ZNF564: variants seen among roughly 807,000 people sequenced by gnomAD.
ZNF564 encodes zinc finger protein 564.
ZNF564 carries 5 observed loss-of-function variants against 10.5 expected under a neutral mutation model. The ratio of observed to expected loss-of-function variants is 0.48; its 90% CI spans 0.25 to 1.00. The LOEUF (loss-of-function observed/expected upper bound fraction) is 1.00. Among genes scored for constraint, ZNF564 ranks in the 50% least tolerant of loss-of-function variants. The probability of loss-of-function intolerance (pLI) is 0.16; values close to 1 mark genes in which losing one functional copy is unlikely to be tolerated. For missense variants in ZNF564, 603 were observed against 669.7 expected, an observed-to-expected ratio of 0.90 and a Z score of 1.10; for synonymous variants, 242 against 218.1, an observed-to-expected ratio of 1.11 and a Z score of -0.97.
intron 1 of ZNF564, 121 bp downstream of exon 1, chr19:12,551,209 G>A: frequency 8.5e-7 from 1 of 1,180,988 alleles, no homozygotes; most frequent in South Asian, 1.3e-5. Flanking sequence ...GCTGCGCCAG[G>A]GAACTCGGGT....
intron 1 of ZNF564, among the ~76,000 whole-genome samples, chr19:12,545,786 C>T (rs555706138): frequency 1.2e-4 from 19 of 152,156 alleles, no homozygotes; most frequent in Non-Finnish European, 2.4e-4. Flanking sequence ...CCTCCCAGCA[C>T]ATCAATGTCC....
At chr19:12,529,984 C>CA (rs553631056) in intron 1 of ZNF564, 4,229 of 51,572 alleles carry the variant, frequency 0.082, 199 homozygotes, top group African/African-American at 0.2. Flanking sequence ...AACTCTGTCT[C>CA]AAAAAAAAAA....
intron 1 of ZNF564, among the ~76,000 whole-genome samples, chr19:12,548,540 C>T (rs139832013): frequency 2.0e-5 from 3 of 152,214 alleles, no homozygotes; most frequent in South Asian, 4.2e-4. Context: ...TTAGTAGAGA[C>T]GGGGTTTCAC....
chr19:12,550,466 G>A, intron 1 of ZNF564: 2 of 254,062 alleles, frequency 7.9e-6, no homozygotes, highest in Non-Finnish European at 8.6e-6. Flanking sequence ...GACCAACCTG[G>A]CCAACATGGA....
At chr19:12,549,889 G>C (rs988547879) in intron 1 of ZNF564, among the ~76,000 whole-genome samples, 1 of 152,190 alleles carries the variant, frequency 6.6e-6, no homozygotes, top group African/African-American at 2.4e-5. Context: ...ACCAGGAAAA[G>C]ATAGAGGGCC....
intron 1 of ZNF564, among the ~76,000 whole-genome samples, chr19:12,529,260 T>C (rs2021752504): frequency 6.6e-6 from 1 of 152,162 alleles, no homozygotes; most frequent in Admixed American, 6.6e-5. Context: ...TATTGGTCTC[T>C]AATGGCAGGA....
intron 1 of ZNF564, among the ~76,000 whole-genome samples, chr19:12,540,822 C>T (rs1184913032): frequency 2.6e-5 from 4 of 151,820 alleles, no homozygotes; most frequent in African/African-American, 9.7e-5. Flanking sequence ...CCACTGCACT[C>T]CAGCCTGGGT....
intron 1 of ZNF564, among the ~76,000 whole-genome samples, chr19:12,539,972 C>T (rs886189309): frequency 1.3e-5 from 2 of 150,140 alleles, no homozygotes; most frequent in African/African-American, 4.9e-5. Flanking sequence ...CAGAACGAGA[C>T]TCCGTCTCAA....
At chr19:12,540,710 C>T (rs960567644) in intron 1 of ZNF564, among the ~76,000 whole-genome samples, 4 of 151,986 alleles carry the variant, frequency 2.6e-5, no homozygotes, top group Non-Finnish European at 4.4e-5. Context: ...AAAAATTAGC[C>T]GGGCGTGGTG....
At position 12,526,724 on chromosome 19, in the gene ZNF564, T is replaced by C. The variant is rs2021691927; in HGVS notation, c.1384A>G (p.Ser462Gly). Residue 462 changes from serine to glycine, a missense_variant, in exon 4 of 4, where the codon AGT (serine) becomes GGT (glycine). Coordinates refer to ENST00000339282, the MANE Select transcript of ZNF564 (RefSeq NM_144976.4). ...GTTCTTTCATGTGTTCGGACAGAAC[T>C]AGGACAGTCAAAGGCTTTACCACAT... ...QVCGKAFDCP[S>G]SVRTHERTHT... The C allele has an allele frequency of 7.4e-6, 12 of 1,614,214 alleles. No individual in the cohort carries two copies. The East Asian group carries it at 2.5e-4, about 33-fold the overall frequency.
intron 1 of ZNF564, chr19:12,532,760 A>G (rs1007855135): frequency 6.6e-6 from 1 of 152,104 alleles, no homozygotes; most frequent in African/African-American, 2.4e-5. Context: ...ATAAATAAAG[A>G]GATATAAGTG....
chr19:12,536,365 C>T (rs774050743), intron 1 of ZNF564, among the ~76,000 whole-genome samples: 2 of 151,992 alleles, frequency 1.3e-5, no homozygotes, highest in Non-Finnish European at 2.9e-5. Flanking sequence ...TTTGTAGAGA[C>T]GGGGTTTTGT....
intron 1 of ZNF564, among the ~76,000 whole-genome samples, chr19:12,544,172 A>G (rs1242413427): frequency 6.6e-6 from 1 of 152,182 alleles, no homozygotes; most frequent in Non-Finnish European, 1.5e-5. Flanking sequence ...CAGGGTTATG[A>G]AATAATTAGG....
intron 1 of ZNF564, chr19:12,548,043 G>A (rs925154502): frequency 5.8e-5 from 25 of 432,690 alleles, no homozygotes; most frequent in Non-Finnish European, 7.4e-5. Flanking sequence ...ACTCACCTCA[G>A]GTGATCCACC....
chr19:12,535,032 G>A (rs2021882023), intron 1 of ZNF564, among the ~76,000 whole-genome samples: 1 of 151,984 alleles, frequency 6.6e-6, no homozygotes, highest in African/African-American at 2.4e-5. Flanking sequence ...TAATCATATG[G>A]ATGAAAAGAA....
chr19:12,547,811 CTT>C (rs553349695), intron 1 of ZNF564, among the ~76,000 whole-genome samples: 20 of 139,878 alleles, frequency 1.4e-4, no homozygotes, highest in Middle Eastern at 3.7e-3. Flanking sequence ...TATTCACTTA[CTT>C]TTTTTTTTTT....
At chr19:12,534,824 T>G (rs758263748) in intron 1 of ZNF564, among the ~76,000 whole-genome samples, 2 of 151,560 alleles carry the variant, frequency 1.3e-5, no homozygotes, top group African/African-American at 2.4e-5. Context: ...AAAACAAAAC[T>G]AAACAAAACA....
intron 1 of ZNF564, among the ~76,000 whole-genome samples, chr19:12,536,295 G>A (rs962151617): frequency 1.3e-5 from 2 of 152,038 alleles, no homozygotes; most frequent in Non-Finnish European, 2.9e-5. Flanking sequence ...TTCCACCTCA[G>A]CCTCCCAAGG....
chr19:12,543,783 T>C (rs1228081504), intron 1 of ZNF564, among the ~76,000 whole-genome samples: 1 of 152,012 alleles, frequency 6.6e-6, no homozygotes, highest in Non-Finnish European at 1.5e-5. Context: ...AATCTGTGTG[T>C]CCCTCCCAAA....
Sources: allele counts gnomAD v4.1 joint callset (sites outside exome capture counted in the v4.1 genomes callset), GRCh38; gene constraint gnomAD v4.1.1; transcripts MANE v1.5; gene names NCBI Gene and HGNC (gene_info 2026-07-23, HGNC 2026-07-21).